Variants in SETD3 observed in about 807,000 individuals in gnomAD.
SETD3 encodes actin-histidine N-methyltransferase.
SETD3 carries 19 observed loss-of-function variants against 63.0 expected under a neutral mutation model. The ratio of observed to expected loss-of-function variants is 0.30; its 90% CI spans 0.21 to 0.44. The LOEUF is 0.44. Among genes scored for constraint, SETD3 ranks in the 20% least tolerant of loss-of-function variants. The probability of loss-of-function intolerance (pLI) is 1.00; values close to 1 mark genes in which losing one functional copy is unlikely to be tolerated. For synonymous variants in SETD3, 286 were observed against 264.1 expected, an observed-to-expected ratio of 1.08 and a Z score of -0.80; for missense variants, 587 against 728.5, an observed-to-expected ratio of 0.81 and a Z score of 2.24.
In SETD3 at chr14:99,436,937, G is replaced by A. The variant is rs191994419; in HGVS notation, c.675+21342C>T. Among the ~76,000 whole-genome samples the A allele has an allele frequency of 1.4e-3, 208 of 152,296 alleles. 1 individual carries two copies. Among genetic ancestry groups the A allele is most frequent in the Non-Finnish European group, 3.8e-4 (26 of 68,026 alleles). On this transcript the variant is annotated intron_variant, in intron 6 of 12. Coordinates refer to ENST00000331768, the MANE Select transcript of SETD3 (RefSeq NM_032233.3). ...TGAAATGTAAATCAGCAGTAGGTGA[G>A]CAGAAGGTCTCAATAAATGTTTATG... is the stretch of plus-strand genomic sequence containing the variant.
At chr14:99,435,982 G>A (rs747239410) in intron 6 of SETD3, among the ~76,000 whole-genome samples, 6 of 152,120 alleles carry the variant, frequency 3.9e-5, no homozygotes, top group Admixed American at 6.5e-5. Flanking sequence ...TGGTTGGGGA[G>A]GCCTCAGGAA....
rs111979569 is a variant in SETD3, at chr14:99,478,178, C to T, written c.-9+2550G>A. On this transcript the variant is annotated intron_variant, in intron 1 of 12. Coordinates refer to ENST00000331768, the MANE Select transcript of SETD3 (RefSeq NM_032233.3). ...TTGAGAAAGCAAATATTATAACTGG[C>T]CACAAGCAACATCCAAAGTAACATA... Among the ~76,000 whole-genome samples the T allele has an allele frequency of 1.1e-3, 170 of 152,208 alleles. 1 individual carries two copies. The highest frequency in any genetic ancestry group is 6.8e-3 in the Middle Eastern group (2 of 294).
At chr14:99,474,720 C>T (rs1895881176) in intron 1 of SETD3, among the ~76,000 whole-genome samples, 1 of 152,130 alleles carries the variant, frequency 6.6e-6, no homozygotes, top group South Asian at 2.1e-4. Flanking sequence ...GTCCCAGTTA[C>T]TTGGGAAGCT....
intron 6 of SETD3, among the ~76,000 whole-genome samples, chr14:99,449,475 C>A (rs6575721): frequency 0.025 from 3,783 of 152,232 alleles, 160 homozygotes; most frequent in African/African-American, 0.086. Flanking sequence ...GCATAAAATG[C>A]GTAATTTCAG....
At chr14:99,418,895 G>C (rs559999681) in intron 6 of SETD3, among the ~76,000 whole-genome samples, 1 of 152,142 alleles carries the variant, frequency 6.6e-6, no homozygotes, top group Non-Finnish European at 1.5e-5. Flanking sequence ...TAAATACCTT[G>C]AGGTTTCCCC....
intron 1 of SETD3, among the ~76,000 whole-genome samples, chr14:99,473,869 C>T (rs1475740847): frequency 1.3e-5 from 2 of 152,132 alleles, no homozygotes; most frequent in African/African-American, 4.8e-5. Flanking sequence ...CTACAGATAC[C>T]GATAAAGTGC....
At chr14:99,454,428 C>T (rs149217783) in intron 6 of SETD3, among the ~76,000 whole-genome samples, 3 of 152,164 alleles carry the variant, frequency 2.0e-5, no homozygotes, top group Admixed American at 2.0e-4. Context: ...TGGGTTTAGC[C>T]CCTAGACTTG....
chr14:99,483,397 C>A (rs1389281656), upstream of SETD3, among the ~76,000 whole-genome samples: 3 of 151,864 alleles, frequency 2.0e-5, no homozygotes, highest in Non-Finnish European at 4.4e-5. Flanking sequence ...AAAAAAAAAT[C>A]AAAAAATTAG....
intron 1 of SETD3, among the ~76,000 whole-genome samples, chr14:99,470,416 G>C (rs1214986526): frequency 6.6e-6 from 1 of 152,218 alleles, no homozygotes; most frequent in East Asian, 1.9e-4. Flanking sequence ...AAAGTGGCTA[G>C]CCTAGGTTAG....
At chr14:99,399,202 G>A (rs1891245487) in intron 12 of SETD3, 77 bp from the exon 13 acceptor site, 1 of 1,353,154 alleles carries the variant, frequency 7.4e-7, no homozygotes, top group South Asian at 1.3e-5. Context: ...CAACGGCTGG[G>A]GATGGGGACA....
rs76521126 is a variant in SETD3, at chr14:99,412,931, A to G, written c.849+20T>C. 1 of 1,525,268 alleles carries G rather than the reference A, an allele frequency of 6.6e-7. No individual in the cohort carries two copies. Among genetic ancestry groups the G allele is most frequent in the African/African-American group, 1.4e-5 (1 of 73,286 alleles). 94.5% of individuals were successfully genotyped at this position (1,525,268 alleles called of 1,614,324 possible). ...AACAGCCTCCCAGATTCAACACAAC[A>G]CAGGGGAAGAGGTCGTTACCAGGCC... On this transcript the variant is annotated intron_variant, in intron 8 of 12. Coordinates refer to ENST00000331768, the MANE Select transcript of SETD3 (RefSeq NM_032233.3).
Position 99,435,955 on chromosome 14 carries a change from T to C in SETD3, c.676-22021A>G, listed in dbSNP as rs185219699. Among the ~76,000 whole-genome samples the C allele has an allele frequency of 4.0e-4, 61 of 152,268 alleles. 1 individual carries two copies. Among genetic ancestry groups the C allele is most frequent in the African/African-American group, 1.4e-3 (60 of 41,552 alleles). ...AGTTTATAAAGCTAAGAGGTTTAAT[T>C]GACTCACAGTTCAGCATGGTTGGGG... On this transcript the variant is annotated intron_variant, in intron 6 of 12. Coordinates refer to ENST00000331768, the MANE Select transcript of SETD3 (RefSeq NM_032233.3).
At position 99,434,846 on chromosome 14, in the gene SETD3, T is replaced by TAAAAA. The variant is rs1566706239; in HGVS notation, c.676-20913_676-20912insTTTTT. 5.8e-3 allele frequency among the ~76,000 whole-genome samples: 109 copies of TAAAAA among 18,920 alleles called. 1 individual carries two copies. The highest frequency in any genetic ancestry group is 0.03 in the African/African-American group (99 of 3,334). 12.4% of individuals were successfully genotyped at this position (18,920 alleles called of 152,430 possible). ...TGGGCAACAAGAGCAAAACTCTGCC[T>TAAAAA]CAAAAAAAAAAAAAAAAAAAAAAAA... On this transcript the variant is annotated intron_variant, in intron 6 of 12. Coordinates refer to ENST00000331768, the MANE Select transcript of SETD3 (RefSeq NM_032233.3).
intron 6 of SETD3, among the ~76,000 whole-genome samples, chr14:99,443,851 C>T (rs35665587): frequency 0.018 from 2,792 of 152,250 alleles, 77 homozygotes; most frequent in African/African-American, 0.064. Context: ...ATAGTCTTCT[C>T]GCTCTGGAAA....
intron 1 of SETD3, among the ~76,000 whole-genome samples, chr14:99,475,171 C>A (rs1005697464): frequency 6.6e-6 from 1 of 152,168 alleles, no homozygotes; most frequent in Non-Finnish European, 1.5e-5. Flanking sequence ...TTCAAACCAC[C>A]CACATTCCTT....
At chr14:99,460,150 A>G (rs1894988832) in intron 4 of SETD3, among the ~76,000 whole-genome samples, 1 of 131,358 alleles carries the variant, frequency 7.6e-6, no homozygotes, top group Non-Finnish European at 1.7e-5. Context: ...AGCATCATGA[A>G]GGAAGAGACT....
intron 6 of SETD3, among the ~76,000 whole-genome samples, chr14:99,450,618 G>T (rs955763784): frequency 7.2e-5 from 11 of 152,216 alleles, no homozygotes; most frequent in Non-Finnish European, 2.9e-5. Context: ...GAAGCATAAG[G>T]CAGGAAAAGG....
chr14:99,420,075 G>C (rs1892504303), intron 6 of SETD3, among the ~76,000 whole-genome samples: 2 of 152,184 alleles, frequency 1.3e-5, no homozygotes, highest in Admixed American at 1.3e-4. Flanking sequence ...AACCACAAAA[G>C]GATGGTAGGC....
chr14:99,440,037 G>A (rs886886957), intron 6 of SETD3, among the ~76,000 whole-genome samples: 1 of 151,866 alleles, frequency 6.6e-6, no homozygotes. Flanking sequence ...TTGAACTCCT[G>A]GGCTAAAGTG....
Sources: gnomAD v4.1 joint callset for allele counts (sites outside exome capture counted in the v4.1 genomes callset) on GRCh38, gnomAD v4.1.1 for gene constraint, MANE v1.5 for transcripts, NCBI Gene and HGNC (gene_info 2026-07-23, HGNC 2026-07-21) for gene names.